Variants in PELI1 observed in about 807,000 individuals in gnomAD.
The protein encoded by PELI1 is E3 ubiquitin-protein ligase pellino homolog 1.
A neutral mutation model predicts 41.3 loss-of-function variants in PELI1; 15 were observed. That is an observed-to-expected ratio of 0.36 (90% confidence interval 0.24 to 0.56). The LOEUF is 0.56. PELI1 is among the 20% of genes least tolerant of loss of function. The pLI is 0.82. For synonymous variants in PELI1, 178 were observed against 180.1 expected, an observed-to-expected ratio of 0.99 and a Z score of 0.09; for missense variants, 403 against 525.5, an observed-to-expected ratio of 0.77 and a Z score of 2.28.
At chr2:64,139,857 T>C (rs1681840769) in intron 1 of PELI1, among the ~76,000 whole-genome samples, 1 of 152,224 alleles carries the variant, frequency 6.6e-6, no homozygotes, top group African/African-American at 2.4e-5. Context: ...CACAGCACTC[T>C]AGGCAGCCAC....
At chr2:64,123,287 T>C (rs181704027) in intron 1 of PELI1, among the ~76,000 whole-genome samples, 8 of 152,360 alleles carry the variant, frequency 5.3e-5, no homozygotes, top group Admixed American at 3.9e-4. Flanking sequence ...CCTTCCTAAA[T>C]TGGCTGTTCA....
intron 6 of PELI1, 34 bp from the exon 7 acceptor site, chr2:64,095,302 C>A: frequency 6.8e-7 from 1 of 1,480,626 alleles, no homozygotes; most frequent in South Asian, 1.2e-5. Flanking sequence ...ACATATTCAC[C>A]ACTCTGTTTT....
intron 1 of PELI1, among the ~76,000 whole-genome samples, chr2:64,122,996 G>C (rs1054591795): frequency 1.3e-4 from 20 of 152,166 alleles, no homozygotes; most frequent in Non-Finnish European, 2.5e-4. Context: ...AAGTAGTGCA[G>C]CTTGCTAACT....
intron 1 of PELI1, 84 bp downstream of exon 1, chr2:64,143,997 C>G (rs1682017491): frequency 6.6e-6 from 1 of 151,546 alleles, no homozygotes; most frequent in Middle Eastern, 3.4e-3. Flanking sequence ...GGGAAGCCGC[C>G]GAGGAAGTTG....
rs1680096666 is a variant in PELI1, at chr2:64,092,683, G to GT, written c.*2018dup. The GT allele has an allele frequency of 6.6e-6, 1 of 152,124 alleles. No homozygotes were observed. The highest frequency in any genetic ancestry group is 2.1e-4 in the South Asian group (1 of 4,832). The allele number at this position is 152,124 out of a possible 1,614,324, so 9.4% of individuals were successfully genotyped here. On this transcript the variant is annotated 3_prime_UTR_variant, in exon 7 of 7. Transcript: ENST00000358912. ...AACCACTAACAAAGTTCCTTTATTAGTAAGAGATGCTTTTAAAAAAGAACC... is the reference window on the plus strand; with the variant it reads ...AACCACTAACAAAGTTCCTTTATTAGTTAAGAGATGCTTTTAAAAAAGAACC...
intron 3 of PELI1, among the ~76,000 whole-genome samples, chr2:64,103,749 T>C (rs1264126376): frequency 6.6e-6 from 1 of 152,214 alleles, no homozygotes; most frequent in South Asian, 2.1e-4. Flanking sequence ...CCACATCATA[T>C]GCCAATTTTT....
At chr2:64,104,396 C>T (rs941888611) in intron 3 of PELI1, among the ~76,000 whole-genome samples, 4 of 152,166 alleles carry the variant, frequency 2.6e-5, no homozygotes, top group Non-Finnish European at 5.9e-5. Flanking sequence ...GGGCAGACAG[C>T]TGCATAATTC....
At chr2:64,107,322 G>A (rs6718082) in intron 2 of PELI1, among the ~76,000 whole-genome samples, 50,062 of 152,042 alleles carry the variant, frequency 0.33, 10,707 homozygotes, top group African/African-American at 0.61. Flanking sequence ...AAGTTTAAGT[G>A]GAATAAATTG....
chr2:64,095,674 G>A lies in PELI1; in HGVS notation c.691-406C>T, dbSNP rs191562972. On this transcript the variant is annotated intron_variant, in intron 6 of 6. Transcript: ENST00000358912. ...ATGAACTTCCAGAGTTTACTAAAAT[G>A]CTCTTGTTGCCCAGGCTGGAGTGCA... Among the ~76,000 whole-genome samples the A allele has an allele frequency of 3.9e-5, 6 of 151,904 alleles. No homozygotes were observed. In the East Asian group the frequency reaches 1.2e-3, roughly 29 times the overall value.
At chr2:64,128,037 AT>A (rs1681444416) in intron 1 of PELI1, among the ~76,000 whole-genome samples, 1 of 152,132 alleles carries the variant, frequency 6.6e-6, no homozygotes, top group South Asian at 2.1e-4. Context: ...TCTGGCCAAC[AT>A]TTAGTAGATT....
chr2:64,098,165 A>C (rs1335485375), intron 4 of PELI1, among the ~76,000 whole-genome samples: 1 of 152,198 alleles, frequency 6.6e-6, no homozygotes. Flanking sequence ...ATCTATAAAG[A>C]GAAAAAAACC....
At chr2:64,096,872 G>A (rs893335972) in intron 4 of PELI1, among the ~76,000 whole-genome samples, 3 of 152,236 alleles carry the variant, frequency 2.0e-5, no homozygotes, top group African/African-American at 7.2e-5. Context: ...ATTCAGGAAC[G>A]GCTGAGATTT....
chr2:64,144,383 C>A lies in PELI1; in HGVS notation c.-372G>T, dbSNP rs371245775. On this transcript the variant is annotated 5_prime_UTR_variant, in exon 1 of 7. Transcript: ENST00000358912. ...CTAGTGGAGGCGGCGGCGGCGCCCCCCGACGGTCCCTCCGCCTCACACCGC... is the reference window on the plus strand; with the variant it reads ...CTAGTGGAGGCGGCGGCGGCGCCCCACGACGGTCCCTCCGCCTCACACCGC... 2,318 of 152,376 alleles carry A rather than the reference C, an allele frequency of 0.015. 27 individuals carry two copies. The highest frequency in any genetic ancestry group is 0.039 in the South Asian group (188 of 4,810). The allele number at this position is 152,376 out of a possible 1,614,324, so 9.4% of individuals were successfully genotyped here.
At chr2:64,104,895 T>C in intron 2 of PELI1, 65 bp from the exon 3 acceptor site, 1 of 1,404,836 alleles carries the variant, frequency 7.1e-7, no homozygotes. Context: ...AACAAATGTT[T>C]GACTTTGCCT....
At chr2:64,119,421 C>G (rs1177486225) in intron 1 of PELI1, among the ~76,000 whole-genome samples, 1 of 152,186 alleles carries the variant, frequency 6.6e-6, no homozygotes, top group Non-Finnish European at 1.5e-5. Context: ...AGAAAACCTT[C>G]TCACAGAAAA....
At chr2:64,119,866 A>G (rs760436032) in intron 1 of PELI1, among the ~76,000 whole-genome samples, 6 of 152,204 alleles carry the variant, frequency 3.9e-5, no homozygotes, top group Non-Finnish European at 7.3e-5. Flanking sequence ...CAGATTTAGT[A>G]TAGTACTCAA....
chr2:64,100,919 G>A (rs1344415895), intron 3 of PELI1, among the ~76,000 whole-genome samples: 3 of 151,872 alleles, frequency 2.0e-5, no homozygotes, highest in African/African-American at 2.4e-5. Context: ...TAGTAGAGAC[G>A]GCATTTCACC....
chr2:64,102,815 T>C (rs1680489137), intron 3 of PELI1, among the ~76,000 whole-genome samples: 1 of 151,326 alleles, frequency 6.6e-6, no homozygotes, highest in South Asian at 2.1e-4. Flanking sequence ...TCCTCCAAAA[T>C]TTAAAGAGGA....
intron 1 of PELI1, among the ~76,000 whole-genome samples, chr2:64,118,003 AT>A (rs1442275977): frequency 6.6e-6 from 1 of 151,744 alleles, no homozygotes. Context: ...TAGAGACGGG[AT>A]TTCACCATGT....
Sources: allele counts gnomAD v4.1 joint callset (sites outside exome capture counted in the v4.1 genomes callset), GRCh38; gene constraint gnomAD v4.1.1; transcripts MANE v1.5; gene names NCBI Gene and HGNC (gene_info 2026-07-23, HGNC 2026-07-21).